The following USP36 variants were observed in gnomAD, a reference collection of about 807,000 sequenced individuals.
USP36 encodes the protein ubiquitin specific peptidase 36, also known as ubiquitin carboxyl-terminal hydrolase 36.
A neutral mutation model predicts 111.5 loss-of-function variants in USP36; 59 were observed. That is an observed-to-expected ratio of 0.53 (90% CI 0.43 to 0.66). USP36 has a LOEUF of 0.66. Among genes scored for constraint, USP36 ranks in the 30% least tolerant of loss-of-function variants. The probability of loss-of-function intolerance (pLI) is 0.00; values close to 1 mark genes in which losing one functional copy is unlikely to be tolerated. For synonymous variants in USP36, 628 were observed against 581.0 expected (o/e 1.08, Z -1.16); for missense variants, 1,488 against 1,468.0 (o/e 1.01, Z -0.22).
intron 5 of USP36, 75 bp from the exon 6 acceptor site, chr17:78,827,422 GC>G: frequency 7.1e-7 from 1 of 1,416,398 alleles, no homozygotes; most frequent in Non-Finnish European, 9.6e-7. Flanking sequence ...TTCCTGAATG[GC>G]CATTCCTGGC....
rs1367746701 is a variant in USP36 at position 78,819,914 on chromosome 17, G to A, written c.911+16C>T. 2 of 1,612,974 alleles carry A rather than the reference G, an allele frequency of 1.2e-6. No homozygotes were observed. Among genetic ancestry groups the A allele is most frequent in the Admixed American group, 3.3e-5 (2 of 59,940 alleles). The stretch of plus-strand genomic sequence containing the variant: ...GTCTGGTATCAGTCTTCTGCCACAA[G>A]CAACGTGAAACTTACTTAGCACACA... On this transcript the variant is annotated intron_variant, in intron 9 of 20. Transcript: ENST00000449938.
rs1295959874 is a variant in USP36, at chr17:78,836,293, A to G, written c.71T>C (p.Leu24Pro). 1 of 1,614,156 alleles carries G rather than the reference A, an allele frequency of 6.2e-7. No homozygotes were observed. The highest frequency in any genetic ancestry group is 1.7e-5 in the Admixed American group (1 of 60,012). Residue 24 changes from leucine (L) to proline (P), a missense_variant, in exon 3 of 21, where the codon CTG becomes CCG. Physicochemically the swap from Leu to Pro is moderately conservative, Grantham distance 98 (BLOSUM62 -3). Coordinates refer to ENST00000449938, the MANE Select transcript of USP36 (RefSeq NM_001385174.1). ...GRKDSADDGE[L>P]GKLLASSAKK... ...GGCAGAGGAGGCAAGAAGCTTCCCC[A>G]GTTCTCCATCATCAGCCGAGTCCTT...
At position 78,800,652 on chromosome 17, in the gene USP36, C is replaced by T. The variant is rs796811301; in HGVS notation, c.3023-884G>A. On this transcript the variant is annotated intron_variant, in intron 17 of 20. Coordinates refer to ENST00000449938, the MANE Select transcript of USP36 (RefSeq NM_001385174.1). ...GACCCGGCCATGCAGAGCAGCCTGC[C>T]TGCTCCCAACGTGCTGCGCCTCCTG... Among the ~76,000 whole-genome samples, 15 of 152,374 alleles carry T rather than the reference C, an allele frequency of 9.8e-5. 1 individual carries two copies. Among genetic ancestry groups the T allele is most frequent in the African/African-American group, 3.6e-4 (15 of 41,590 alleles).
chr17:78,807,475 T>C lies in USP36; in HGVS notation c.1569A>G (p.Thr523=), dbSNP rs751006041. 6 of 1,613,970 alleles carry C rather than the reference T, an allele frequency of 3.7e-6. No homozygotes were observed. In the East Asian group the frequency reaches 1.1e-4, roughly 30 times the overall value. The part of the protein sequence containing the change: ...SPSPKLSQTP[T]HMPTILDDPG... ...GGTCGTCTAGGATGGTTGGCATGTG[T>C]GTGGGTGTCTGGGAGAGTTTGGGGG... The change falls in exon 14 of 21, where the codon ACA becomes ACG. Residue 523 remains threonine (T), a synonymous_variant. Transcript: ENST00000449938.
intron 4 of USP36, among the ~76,000 whole-genome samples, chr17:78,832,392 A>G (rs891993182): frequency 6.6e-6 from 1 of 152,214 alleles, no homozygotes; most frequent in Non-Finnish European, 1.5e-5. Flanking sequence ...GGGTGCAGGA[A>G]AAAAAGGCCA....
intron 15 of USP36, among the ~76,000 whole-genome samples, chr17:78,805,913 A>G (rs2093886578): frequency 6.6e-6 from 1 of 152,078 alleles, no homozygotes; most frequent in African/African-American, 2.4e-5. Context: ...ACCACCAACA[A>G]AGACAGAACT....
Position 78,819,913 on chromosome 17 carries a change from A to G in USP36, c.911+17T>C, listed in dbSNP as rs2094278561. The G allele has an allele frequency of 6.2e-7, 1 of 1,613,214 alleles. No homozygotes were observed. Among genetic ancestry groups the G allele is most frequent in the Non-Finnish European group, 8.5e-7 (1 of 1,179,572 alleles). ...CGTCTGGTATCAGTCTTCTGCCACA[A>G]GCAACGTGAAACTTACTTAGCACAC... On this transcript the variant is annotated intron_variant, in intron 9 of 20. Coordinates refer to ENST00000449938, the MANE Select transcript of USP36 (RefSeq NM_001385174.1).
At chr17:78,813,737 G>A (rs373709321) in intron 12 of USP36, 36 bp downstream of exon 12, 2 of 1,584,172 alleles carry the variant, frequency 1.3e-6, no homozygotes, top group African/African-American at 1.3e-5. Context: ...AGAGCAGAGG[G>A]AGTGAGCTCA....
chr17:78,829,960 C>T (rs1035160178), intron 4 of USP36, among the ~76,000 whole-genome samples: 10 of 152,270 alleles, frequency 6.6e-5, no homozygotes, highest in East Asian at 5.8e-4. Context: ...AGGCTGGTCT[C>T]GAACTCCTGA....
Position 78,802,472 on chromosome 17 carries a change from CTTT to C in USP36, c.2871_2873del (p.Lys960del). The stretch of plus-strand genomic sequence containing the variant: ...GCTGTGTCTCCTGCTTTCTTTTTTT[CTTT>C]TTCTTTTTCCTTGGAGACTCTTCCA... On this transcript the variant is annotated inframe_deletion, in exon 17 of 21. Coordinates refer to ENST00000449938, the MANE Select transcript of USP36 (RefSeq NM_001385174.1). 1 of 436,632 alleles carries C rather than the reference CTTT, an allele frequency of 2.3e-6. No individual in the cohort carries two copies. Among genetic ancestry groups the C allele is most frequent in the East Asian group, 6.1e-5 (1 of 16,276 alleles). The allele number at this position is 436,632 out of a possible 1,614,324, so 27.0% of individuals were successfully genotyped here. A position where few individuals can be genotyped will look rare whatever the true frequency, so the allele number is the denominator to read the frequency against.
chr17:78,809,516 A>G (rs1007220396), intron 13 of USP36, among the ~76,000 whole-genome samples: 6 of 152,178 alleles, frequency 3.9e-5, no homozygotes, highest in Middle Eastern at 3.4e-3. Context: ...GAAAATGCTC[A>G]TGGTCAGTGA....
At chr17:78,820,878 G>C in intron 8 of USP36, 113 bp downstream of exon 8, 1 of 1,144,628 alleles carries the variant, frequency 8.7e-7, no homozygotes. Context: ...AGGGAGCAAA[G>C]GAGTTTTCTC....
chr17:78,815,448 T>C (rs1208094067), intron 10 of USP36, among the ~76,000 whole-genome samples: 1 of 152,246 alleles, frequency 6.6e-6, no homozygotes, highest in Non-Finnish European at 1.5e-5. Flanking sequence ...TCTGTTCTTG[T>C]CTTTGTCAAG....
rs115036891 is a variant in USP36 at position 78,815,795 on chromosome 17, C to A, written c.1024-1243G>T. Among the ~76,000 whole-genome samples the A allele has an allele frequency of 7.9e-3, 1,200 of 152,138 alleles. 14 individuals carry two copies. The highest frequency in any genetic ancestry group is 0.025 in the African/African-American group (1,055 of 41,476). On this transcript the variant is annotated intron_variant, in intron 10 of 20. Transcript: ENST00000449938. ...AAATACATGCACACATATATACATA[C>A]ATGCATACATACATCGTATACACAC...
intron 13 of USP36, among the ~76,000 whole-genome samples, chr17:78,808,138 A>G (rs2093958797): frequency 6.6e-6 from 1 of 152,236 alleles, no homozygotes. Flanking sequence ...TTAACATTCT[A>G]GTGCTTTCTT....
rs1236515876 is a variant in USP36, at chr17:78,796,829, C to A, written c.*1071G>T. 6.6e-6 allele frequency: 1 copy of A among 152,264 alleles called. No individual in the cohort carries two copies. The highest frequency in any genetic ancestry group is 1.5e-5 in the Non-Finnish European group (1 of 68,028). The allele number at this position is 152,264 out of a possible 1,614,324, so 9.4% of individuals were successfully genotyped here. On this transcript the variant is annotated 3_prime_UTR_variant, in exon 21 of 21. Transcript: ENST00000449938. ...GATGAGGAAGGATGTTCACGGTCACCTTCACACTTCCCACTACTATGAGGG... is the reference window on the plus strand; with the variant it reads ...GATGAGGAAGGATGTTCACGGTCACATTCACACTTCCCACTACTATGAGGG...
At chr17:78,799,855 C>A in intron 17 of USP36, 87 bp from the exon 18 acceptor site, 7 of 511,462 alleles carry the variant, frequency 1.4e-5, no homozygotes, top group Non-Finnish European at 2.0e-5. Context: ...TATAAAACAA[C>A]TTACAGTAAG....
chr17:78,818,620 C>A, intron 10 of USP36, 47 bp downstream of exon 10: 1 of 1,546,718 alleles, frequency 6.5e-7, no homozygotes, highest in South Asian at 1.1e-5. Context: ...ATTCTGATGC[C>A]GACTGTGGCC....
intron 6 of USP36, among the ~76,000 whole-genome samples, chr17:78,824,237 ACCACC>A (rs2067327242): frequency 6.6e-6 from 1 of 152,226 alleles, no homozygotes; most frequent in Non-Finnish European, 1.5e-5. Context: ...AGAAAAAGAT[ACCACC>A]TTACAGGTGC....
Sources: gnomAD v4.1 joint callset for allele counts (sites outside exome capture counted in the v4.1 genomes callset) on GRCh38, gnomAD v4.1.1 for gene constraint, MANE v1.5 for transcripts, NCBI Gene and HGNC (gene_info 2026-07-23, HGNC 2026-07-21) for gene names.